Variants in WDR93 observed in about 807,000 individuals in gnomAD.
WDR93 encodes WD repeat domain 93.
WDR93 carries 73 observed loss-of-function variants against 82.9 expected under a neutral mutation model. The ratio of observed to expected loss-of-function variants is 0.88; its 90% CI spans 0.73 to 1.07. The LOEUF (loss-of-function observed/expected upper bound fraction) is 1.07, where lower values mean the gene tolerates loss of function less well. WDR93 is among the 50% of genes least tolerant of loss of function. The probability of loss-of-function intolerance (pLI) is 0.00; values close to 1 mark genes in which losing one functional copy is unlikely to be tolerated. For missense variants in WDR93, 738 were observed against 826.0 expected, an observed-to-expected ratio of 0.89 and a Z score of 1.31; for synonymous variants, 283 against 300.1, an observed-to-expected ratio of 0.94 and a Z score of 0.59.
chr15:89,707,345 G>A (rs1334458804), intron 4 of WDR93, among the ~76,000 whole-genome samples: 1 of 152,200 alleles, frequency 6.6e-6, no homozygotes, highest in Non-Finnish European at 1.5e-5. Flanking sequence ...AAGGCCAGGA[G>A]TTTGAGACCA....
At chr15:89,720,154 T>C (rs902769402) in intron 7 of WDR93, among the ~76,000 whole-genome samples, 2 of 152,232 alleles carry the variant, frequency 1.3e-5, no homozygotes, top group African/African-American at 2.4e-5. Flanking sequence ...TTTTCTGATA[T>C]AGGCATTTAA....
chr15:89,706,175 G>A (rs1444567254), intron 4 of WDR93, among the ~76,000 whole-genome samples: 1 of 152,184 alleles, frequency 6.6e-6, no homozygotes, highest in Non-Finnish European at 1.5e-5. Flanking sequence ...TCATGTGACT[G>A]CTTCTCCTGA....
chr15:89,703,125 C>A lies in WDR93; in HGVS notation c.479C>A (p.Ala160Asp). 1 of 1,614,152 alleles carries A rather than the reference C, an allele frequency of 6.2e-7. No individual in the cohort carries two copies. Among genetic ancestry groups the A allele is most frequent in the Non-Finnish European group, 8.5e-7 (1 of 1,180,016 alleles). Residue 160 changes from alanine (A) to aspartate (D), a missense_variant, in exon 3 of 17, where the codon GCT (alanine) becomes GAT (aspartate). By Grantham distance (126) the Ala-to-Asp change is moderately radical (BLOSUM62 -2). Coordinates refer to ENST00000268130, the MANE Select transcript of WDR93 (RefSeq NM_020212.2). Reference protein sequence around the residue: ...ATDLGNEILIAPVDEMGIIRL... With the variant: ...ATDLGNEILIDPVDEMGIIRL... ...GATTTAGGGAATGAAATACTCATTGCTCCTGTGGATGAAATGGGTATTGTT... is the reference window on the plus strand; with the variant it reads ...GATTTAGGGAATGAAATACTCATTGATCCTGTGGATGAAATGGGTATTGTT...
chr15:89,703,280 G>C (rs557436350), intron 3 of WDR93, 138 bp downstream of exon 3: 1 of 858,740 alleles, frequency 1.2e-6, no homozygotes, highest in African/African-American at 1.7e-5. Context: ...TATATGTACA[G>C]AACAGGTATG....
chr15:89,701,933 C>T lies in WDR93; in HGVS notation c.187C>T (p.Leu63=). The T allele has an allele frequency of 1.2e-6, 2 of 1,614,168 alleles. No homozygotes were observed. The highest frequency in any genetic ancestry group is 1.7e-5 in the Admixed American group (1 of 60,016). The part of the protein sequence containing the change: ...LPQPYRMINK[L]VNLLFDQSWE... ...TCAGCCTTATCGAATGATCAACAAGCTGGTGAACCTTCTGTTTGACCAGTC... is the reference window on the plus strand; with the variant it reads ...TCAGCCTTATCGAATGATCAACAAGTTGGTGAACCTTCTGTTTGACCAGTC... The change falls in exon 2 of 17, where the codon CTG becomes TTG. Residue 63 remains leucine, a synonymous_variant. Transcript: ENST00000268130.
chr15:89,703,305 G>A, intron 3 of WDR93, 163 bp downstream of exon 3: 1 of 723,174 alleles, frequency 1.4e-6, no homozygotes, highest in Non-Finnish European at 2.3e-6. Context: ...GTCAGATACT[G>A]TTCTACCATT....
At chr15:89,705,373 T>C (rs1166500374) in intron 3 of WDR93, 181 bp from the exon 4 acceptor site, 2 of 613,178 alleles carry the variant, frequency 3.3e-6, no homozygotes, top group Non-Finnish European at 5.9e-6. Flanking sequence ...AACCCGAACA[T>C]TCAAGAGGGG....
chr15:89,727,360 G>A, intron 9 of WDR93, 32 bp downstream of exon 9: 2 of 1,605,350 alleles, frequency 1.2e-6, no homozygotes, highest in Non-Finnish European at 1.7e-6. Flanking sequence ...AAGCCAGGGA[G>A]CATCCCCAGG....
At chr15:89,736,492 G>A (rs1331919243) in intron 14 of WDR93, among the ~76,000 whole-genome samples, 1 of 152,096 alleles carries the variant, frequency 6.6e-6, no homozygotes, top group Non-Finnish European at 1.5e-5. Context: ...AGTGAATAGA[G>A]AAGAGGTTCC....
At position 89,738,062 on chromosome 15, in the gene WDR93, C is replaced by A. The variant is rs1397666242; in HGVS notation, c.1787C>A (p.Ala596Glu). 1.2e-6 allele frequency: 2 copies of A among 1,611,516 alleles called. No homozygotes were observed. Among genetic ancestry groups the A allele is most frequent in the Admixed American group, 1.7e-5 (1 of 59,650 alleles). Residue 596 changes from alanine to glutamate, a missense_variant, in exon 16 of 17, where the codon GCG (alanine) becomes GAG (glutamate). Ala to Glu is a moderately radical substitution (Grantham distance 107, BLOSUM62 -1). Coordinates refer to ENST00000268130, the MANE Select transcript of WDR93 (RefSeq NM_020212.2). ...ACAGGAGACTATTCACATGAAACTG[C>A]GTCCACCGACGATGCTGGAATCCAA... ...LLRGDYSHET[A>E]STDDAGIQYS... is the part of the protein sequence containing the mutation.
At chr15:89,712,177 C>A in intron 5 of WDR93, 73 bp downstream of exon 5, 1 of 1,186,746 alleles carries the variant, frequency 8.4e-7, no homozygotes, top group Non-Finnish European at 1.2e-6. Context: ...TGCTTTTGTC[C>A]CTCCAAACCT....
chr15:89,721,824 C>T (rs1438033001), intron 7 of WDR93, among the ~76,000 whole-genome samples: 1 of 152,046 alleles, frequency 6.6e-6, no homozygotes, highest in Non-Finnish European at 1.5e-5. Flanking sequence ...ACAATCTCTG[C>T]CTTTTCACTG....
intron 1 of WDR93, among the ~76,000 whole-genome samples, chr15:89,699,679 G>A (rs1965362283): frequency 1.3e-5 from 2 of 151,340 alleles, no homozygotes; most frequent in Middle Eastern, 3.4e-3. Flanking sequence ...TTCTATTGCT[G>A]TGTCTTCAAG....
chr15:89,735,374 C>G, intron 13 of WDR93, 116 bp from the exon 14 acceptor site: 1 of 1,028,078 alleles, frequency 9.7e-7, no homozygotes, highest in South Asian at 1.4e-5. Flanking sequence ...TATGAACAGC[C>G]TCCTCACATA....
In WDR93 at chr15:89,738,252, T is replaced by A. The variant is rs777077374; in HGVS notation, c.1961+16T>A. 2 of 1,573,416 alleles carry A rather than the reference T, an allele frequency of 1.3e-6. No individual in the cohort carries two copies. Among genetic ancestry groups the A allele is most frequent in the East Asian group, 2.3e-5 (1 of 44,210 alleles). ...TCCAGAAGAGGTAAAGAGCTCTGTG[T>A]CTTCACCCCCTCCCACATCTGAGGT... On this transcript the variant is annotated intron_variant, in intron 16 of 16. Coordinates refer to ENST00000268130, the MANE Select transcript of WDR93 (RefSeq NM_020212.2).
intron 16 of WDR93, among the ~76,000 whole-genome samples, chr15:89,738,626 CAAAAAAAA>C (rs34617270): frequency 1.2e-4 from 10 of 81,460 alleles, no homozygotes; most frequent in Non-Finnish European, 1.7e-4. Flanking sequence ...GACTCTGTCC[CAAAAAAAA>C]AAAAAAAAAA....
At chr15:89,692,168 T>G (rs1280054848) in intron 1 of WDR93, among the ~76,000 whole-genome samples, 1 of 152,174 alleles carries the variant, frequency 6.6e-6, no homozygotes, top group African/African-American at 2.4e-5. Context: ...TTTGCCACCT[T>G]TTCAGATCGA....
chr15:89,726,870 C>A (rs1047026798), intron 8 of WDR93, among the ~76,000 whole-genome samples: 1 of 151,856 alleles, frequency 6.6e-6, no homozygotes, highest in African/African-American at 2.4e-5. Flanking sequence ...CACCGCCCCC[C>A]ACACCCTGGC....
intron 1 of WDR93, among the ~76,000 whole-genome samples, chr15:89,696,665 T>G (rs1350676228): frequency 1.3e-5 from 2 of 152,016 alleles, no homozygotes; most frequent in African/African-American, 4.8e-5. Context: ...CAGCTAATTT[T>G]TGTATTTTTT....
Sources: allele counts gnomAD v4.1 joint callset (sites outside exome capture counted in the v4.1 genomes callset), GRCh38; gene constraint gnomAD v4.1.1; transcripts MANE v1.5; gene names NCBI Gene and HGNC (gene_info 2026-07-23, HGNC 2026-07-21).